PHF8: variants seen among roughly 807,000 people sequenced by gnomAD.
PHF8 encodes the protein PHD finger protein 8.
In PHF8, 9 loss-of-function variants were observed where a neutral mutation model predicts 74.4. The ratio of observed to expected loss-of-function variants is 0.12; its 90% CI spans 0.07 to 0.21. PHF8 has a LOEUF of 0.21. Among genes scored for constraint, PHF8 ranks in the 10% least tolerant of loss-of-function variants. The probability of loss-of-function intolerance (pLI) is 1.00; values close to 1 mark genes in which losing one functional copy is unlikely to be tolerated. For synonymous variants in PHF8, 311 were observed against 316.6 expected (o/e 0.98, Z 0.19); for missense variants, 478 against 816.6 (o/e 0.59, Z 5.05).
chrX:54,045,860 T>C (rs1357410926), upstream of PHF8, among the ~76,000 whole-genome samples: 1 of 111,709 alleles, frequency 9.0e-6, no homozygotes, highest in African/African-American at 3.2e-5. Context: ...GTTTAGATTG[T>C]ATGCAGTTAG....
At chrX:53,969,085 A>C (rs2065254863) in intron 18 of PHF8, among the ~76,000 whole-genome samples, 1 of 110,347 alleles carries the variant, frequency 9.1e-6, no homozygotes, top group Admixed American at 9.7e-5. Context: ...AAATGCAAAA[A>C]TTAGCTGGGT....
intron 7 of PHF8, among the ~76,000 whole-genome samples, chrX:54,012,189 A>T (rs1421528251): frequency 9.0e-6 from 1 of 111,108 alleles, no homozygotes; most frequent in Non-Finnish European, 1.9e-5. Flanking sequence ...TTTACGCACA[A>T]ATGTCTCAGG....
intron 2 of PHF8, among the ~76,000 whole-genome samples, chrX:54,026,554 G>GTTGTTGTT (rs782080273): frequency 1.4e-3 from 154 of 109,095 alleles, no homozygotes; most frequent in African/African-American, 5.0e-3. Context: ...TGTTGTTGTT[G>GTTGTTGTT]TTAAGCACTC....
chrX:53,997,159 C>T (rs1055620200), intron 11 of PHF8, among the ~76,000 whole-genome samples: 1 of 111,799 alleles, frequency 8.9e-6, no homozygotes, highest in Admixed American at 9.5e-5. Flanking sequence ...ACAAACCAGC[C>T]TCTCCACTTG....
At chrX:53,993,430 C>T (rs2065699092) in intron 13 of PHF8, among the ~76,000 whole-genome samples, 171 bp downstream of exon 13, 2 of 112,050 alleles carry the variant, frequency 1.8e-5, no homozygotes, top group Middle Eastern at 4.6e-3. Flanking sequence ...TATCACAGTG[C>T]CCGGCATAGA....
intron 4 of PHF8, among the ~76,000 whole-genome samples, chrX:54,021,393 A>G (rs1320354508): frequency 2.8e-5 from 3 of 108,903 alleles, no homozygotes; most frequent in African/African-American, 1.0e-4. Context: ...CACACATGCA[A>G]TATACCCACG....
chrX:54,014,742 C>T (rs1316670923), intron 6 of PHF8, among the ~76,000 whole-genome samples, 179 bp from the exon 7 acceptor site: 1 of 111,335 alleles, frequency 9.0e-6, no homozygotes, highest in Admixed American at 9.6e-5. Context: ...TCAGTATCCT[C>T]ATTCTACTCA....
At chrX:54,012,837 G>A (rs1331763920) in intron 7 of PHF8, among the ~76,000 whole-genome samples, 1 of 108,745 alleles carries the variant, frequency 9.2e-6, no homozygotes, top group Non-Finnish European at 1.9e-5. Flanking sequence ...CTACTTGGGA[G>A]GCTGAAGTGG....
chrX:53,985,486 TTCCC>T (rs1569526766), intron 17 of PHF8, among the ~76,000 whole-genome samples: 2 of 111,529 alleles, frequency 1.8e-5, no homozygotes. Flanking sequence ...AGGGGCACAC[TTCCC>T]TCCCTGTTTA....
chrX:54,032,048 C>T (rs1465101352), intron 2 of PHF8, among the ~76,000 whole-genome samples: 3 of 111,464 alleles, frequency 2.7e-5, no homozygotes, highest in African/African-American at 9.8e-5. Context: ...TGCTCCTCAC[C>T]TTTAGTCTAT....
chrX:53,948,569 AAT>A (rs1392328891), intron 19 of PHF8, among the ~76,000 whole-genome samples: 1 of 111,260 alleles, frequency 9.0e-6, no homozygotes, highest in Non-Finnish European at 1.9e-5. Context: ...CATCGGGTAA[AAT>A]ATGTTATGAT....
At chrX:53,996,153 G>T (rs1486027804) in intron 11 of PHF8, among the ~76,000 whole-genome samples, 5 of 106,985 alleles carry the variant, frequency 4.7e-5, no homozygotes, top group African/African-American at 1.7e-4. Context: ...TTTCACTATT[G>T]TTGCCCAGGC....
chrX:53,945,994 C>T lies in PHF8; in HGVS notation c.2540-1751G>A, dbSNP rs933594464. ...CCTCTTGCATGACTCTTTTATAATG[C>T]CTTACCAACCTGAAATAAAAAAATA... On this transcript the variant is annotated intron_variant, in intron 19 of 21. Transcript: ENST00000338154. Among the ~76,000 whole-genome samples, 7 of 111,739 alleles carry T rather than the reference C, an allele frequency of 6.3e-5. No individual in the cohort carries two copies. The East Asian group carries it at 1.9e-3, about 31-fold the overall frequency.
upstream of PHF8, among the ~76,000 whole-genome samples, chrX:54,046,456 G>A (rs1420450461): frequency 9.1e-6 from 1 of 110,183 alleles, no homozygotes; most frequent in Non-Finnish European, 1.9e-5. Flanking sequence ...GGTGGCACAT[G>A]CCTGCAGTCC....
At chrX:54,013,254 G>A (rs1302351601) in intron 7 of PHF8, among the ~76,000 whole-genome samples, 4 of 112,003 alleles carry the variant, frequency 3.6e-5, no homozygotes, top group Non-Finnish European at 7.5e-5. Flanking sequence ...TTACAAAATT[G>A]TAACAATTAC....
rs927466699 is a variant in PHF8 at position 54,044,388 on chromosome X, C to A, written c.-719G>T. 5.3e-6 allele frequency: 4 copies of A among 751,024 alleles called. No homozygotes were observed. Among genetic ancestry groups the A allele is most frequent in the Non-Finnish European group, 3.1e-6 (2 of 636,677 alleles). 61.9% of individuals were successfully genotyped at this position (751,024 alleles called of 1,213,427 possible). A position where few individuals can be genotyped will look rare whatever the true frequency, so the allele number is the denominator to read the frequency against. On this transcript the variant is annotated 5_prime_UTR_variant, in exon 1 of 22. Coordinates refer to ENST00000338154, the MANE Select transcript of PHF8 (RefSeq NM_015107.3). Reference sequence around the variant, plus strand: ...TGAGGCGGAGAGGGGAGGAGAAATACGGGATAAACAGCTACCATGTTGAGA... The same window carrying A: ...TGAGGCGGAGAGGGGAGGAGAAATAAGGGATAAACAGCTACCATGTTGAGA...
At chrX:54,023,841 C>CAAAAAAAAA (rs782579990) in intron 2 of PHF8, among the ~76,000 whole-genome samples, 1 of 39,190 alleles carries the variant, frequency 2.6e-5, no homozygotes, top group Non-Finnish European at 4.9e-5. Flanking sequence ...ACCCTGTCTC[C>CAAAAAAAAA]AAAAAAAAAA....
At chrX:53,999,739 C>T in intron 11 of PHF8, 131 bp downstream of exon 11, 1 of 473,898 alleles carries the variant, frequency 2.1e-6, no homozygotes, top group Non-Finnish European at 3.8e-6. Flanking sequence ...GAATCCTAGC[C>T]CACACCTCCA....
chrX:54,041,055 A>G (rs898503022), intron 2 of PHF8, among the ~76,000 whole-genome samples: 1 of 111,814 alleles, frequency 8.9e-6, no homozygotes, highest in Non-Finnish European at 1.9e-5. Flanking sequence ...TAGCAGCACC[A>G]GCACCTATAG....
Sources: allele counts gnomAD v4.1 joint callset (sites outside exome capture counted in the v4.1 genomes callset), GRCh38; gene constraint gnomAD v4.1.1; transcripts MANE v1.5; gene names NCBI Gene and HGNC (gene_info 2026-07-23, HGNC 2026-07-21).